Variants in CCDC102B observed in about 807,000 individuals in gnomAD.
CCDC102B encodes coiled-coil domain-containing protein 102B.
CCDC102B carries 75 observed loss-of-function variants against 57.4 expected under a neutral mutation model. The ratio of observed to expected loss-of-function variants is 1.31; its 90% CI spans 1.08 to 1.58. CCDC102B has a LOEUF of 1.58. Ranked by LOEUF, CCDC102B falls within the 40% of genes most tolerant of loss-of-function variation. The probability of loss-of-function intolerance (pLI) is 0.00; values close to 1 mark genes in which losing one functional copy is unlikely to be tolerated. For synonymous variants in CCDC102B, 206 were observed against 201.9 expected (o/e 1.02, Z -0.17); for missense variants, 636 against 582.6 (o/e 1.09, Z -0.94).
chr18:68,774,667 A>T (rs1386400561), intron 2 of CCDC102B, among the ~76,000 whole-genome samples: 1 of 152,094 alleles, frequency 6.6e-6, no homozygotes. Flanking sequence ...ACATGCCACT[A>T]ACTGAATACA....
intron 6 of CCDC102B, among the ~76,000 whole-genome samples, chr18:68,974,016 G>T (rs1016556076): frequency 1.2e-4 from 19 of 152,050 alleles, no homozygotes; most frequent in African/African-American, 4.3e-4. Flanking sequence ...TACTGAAGCT[G>T]ATATAAAGAA....
chr18:68,726,524 CCT>C (rs1726711206), intron 2 of CCDC102B, among the ~76,000 whole-genome samples: 1 of 152,122 alleles, frequency 6.6e-6, no homozygotes, highest in Admixed American at 6.5e-5. Context: ...TTCAGAAGTC[CCT>C]GATATAATCC....
At chr18:69,041,116 A>G (rs111694300) in intron 7 of CCDC102B, among the ~76,000 whole-genome samples, 170 of 152,258 alleles carry the variant, frequency 1.1e-3, no homozygotes, top group African/African-American at 3.7e-3. Flanking sequence ...AGCAAAAAAA[A>G]TGAGTTTAAT....
At chr18:68,778,325 G>T (rs2034892297) in intron 2 of CCDC102B, among the ~76,000 whole-genome samples, 1 of 151,914 alleles carries the variant, frequency 6.6e-6, no homozygotes, top group Non-Finnish European at 1.5e-5. Flanking sequence ...CAACTAATTT[G>T]CTCTTTAGGA....
chr18:68,954,663 T>G (rs1054091124), intron 6 of CCDC102B, among the ~76,000 whole-genome samples: 4 of 152,216 alleles, frequency 2.6e-5, no homozygotes, highest in African/African-American at 9.6e-5. Flanking sequence ...TCTGCCATCA[T>G]TAGCTCTGAG....
At chr18:68,882,421 A>G (rs2039723267) in intron 5 of CCDC102B, among the ~76,000 whole-genome samples, 1 of 152,124 alleles carries the variant, frequency 6.6e-6, no homozygotes, top group African/African-American at 2.4e-5. Flanking sequence ...AAATATCCCC[A>G]TGTTTTCCCC....
chr18:68,911,769 A>AAAAAAAAAAAAAAAAT, intron 6 of CCDC102B, among the ~76,000 whole-genome samples: 1 of 142,882 alleles, frequency 7.0e-6, no homozygotes, highest in Non-Finnish European at 1.5e-5. Context: ...AAAAAAAAAA[A>AAAAAAAAAAAAAAAAT]AAAAAAGATC....
At chr18:68,997,251 C>T (rs528886761) in intron 6 of CCDC102B, among the ~76,000 whole-genome samples, 1 of 152,282 alleles carries the variant, frequency 6.6e-6, no homozygotes, top group South Asian at 2.1e-4. Context: ...CTAACACACC[C>T]ACACATACAT....
intron 5 of CCDC102B, among the ~76,000 whole-genome samples, chr18:68,882,402 G>A (rs1033375076): frequency 6.6e-6 from 1 of 152,152 alleles, no homozygotes; most frequent in African/African-American, 2.4e-5. Context: ...ACAACTGATA[G>A]TATTAATAAA....
intron 6 of CCDC102B, among the ~76,000 whole-genome samples, chr18:68,918,818 C>A (rs2041169745): frequency 6.6e-6 from 1 of 152,024 alleles, no homozygotes; most frequent in South Asian, 2.1e-4. Context: ...ATAATCTTCA[C>A]AAGCAGTAAT....
intron 6 of CCDC102B, among the ~76,000 whole-genome samples, chr18:68,923,190 C>A (rs1469594106): frequency 6.6e-6 from 1 of 151,404 alleles, no homozygotes; most frequent in Non-Finnish European, 1.5e-5. Context: ...ACCATTCTGT[C>A]CTGTTTTAAT....
chr18:68,902,285 T>C (rs149846254), intron 6 of CCDC102B: 2 of 152,274 alleles, frequency 1.3e-5, no homozygotes, highest in African/African-American at 4.8e-5. Context: ...CATATATAAA[T>C]TTATTTTATT....
intron 7 of CCDC102B, among the ~76,000 whole-genome samples, chr18:69,011,576 A>C (rs1454826632): frequency 6.6e-6 from 1 of 152,054 alleles, no homozygotes; most frequent in African/African-American, 2.4e-5. Context: ...AGAATATTTT[A>C]GAAATTCCTG....
chr18:68,754,727 A>T (rs2033985000), intron 2 of CCDC102B: 1 of 152,182 alleles, frequency 6.6e-6, no homozygotes, highest in Non-Finnish European at 1.5e-5. Context: ...GTCTCCTCAA[A>T]TTCCTATGCT....
rs2052788330 is a variant in CCDC102B, at chr18:69,054,812, A to G, written c.*675A>G. 2 of 985,222 alleles carry G rather than the reference A, an allele frequency of 2.0e-6. No homozygotes were observed. The highest frequency in any genetic ancestry group is 3.5e-5 in the African/African-American group (2 of 57,232). 61.0% of individuals were successfully genotyped at this position (985,222 alleles called of 1,614,324 possible). ...CTTTTATCTGGATAGACATTTCTAC[A>G]GTAAAATCATGGAAAGGCATCAGCA... On this transcript the variant is annotated 3_prime_UTR_variant, in exon 8 of 8. Coordinates refer to ENST00000360242, the MANE Select transcript of CCDC102B (RefSeq NM_024781.3).
intron 2 of CCDC102B, among the ~76,000 whole-genome samples, chr18:68,780,628 A>G (rs945616323): frequency 6.6e-6 from 1 of 152,112 alleles, no homozygotes; most frequent in Non-Finnish European, 1.5e-5. Flanking sequence ...GAAATAAGGT[A>G]GTATCTCCTT....
chr18:68,994,578 T>C (rs1363455298), intron 6 of CCDC102B, among the ~76,000 whole-genome samples: 1 of 151,994 alleles, frequency 6.6e-6, no homozygotes, highest in East Asian at 1.9e-4. Context: ...ATGGGAGTGT[T>C]TTCGCCCTTG....
At chr18:68,811,497 T>G (rs1044942240) in intron 1 of CCDC102B, among the ~76,000 whole-genome samples, 1 of 151,988 alleles carries the variant, frequency 6.6e-6, no homozygotes, top group African/African-American at 2.4e-5. Flanking sequence ...CACCTGTAAT[T>G]CCAGCTATTC....
At chr18:69,017,875 A>G (rs2051712938) in intron 7 of CCDC102B, among the ~76,000 whole-genome samples, 1 of 152,198 alleles carries the variant, frequency 6.6e-6, no homozygotes, top group Non-Finnish European at 1.5e-5. Context: ...CTACATATGA[A>G]CAGGATCACA....
Sources: allele counts gnomAD v4.1 joint callset (sites outside exome capture counted in the v4.1 genomes callset), GRCh38; gene constraint gnomAD v4.1.1; transcripts MANE v1.5; gene names NCBI Gene and HGNC (gene_info 2026-07-23, HGNC 2026-07-21).